The following PSAP variants were observed in gnomAD, a reference collection of about 807,000 sequenced individuals.
The protein encoded by PSAP is prosaposin, also known as precursor of saposins.
PSAP carries 25 observed loss-of-function variants against 66.0 expected under a neutral mutation model. The observed-to-expected ratio is 0.38, with a 90% CI of 0.28 to 0.53. PSAP has a LOEUF of 0.53. Ranked by LOEUF, PSAP falls within the 20% of genes least tolerant of loss-of-function variation. PSAP has a pLI of 0.83. For missense variants in PSAP, 649 were observed against 668.8 expected (o/e 0.97, Z 0.33); for synonymous variants, 273 against 258.9 (o/e 1.05, Z -0.52).
chr10:71,819,038 A>C lies in PSAP; in HGVS notation c.1424T>G (p.Val475Gly). The C allele has an allele frequency of 6.2e-7, 1 of 1,614,052 alleles. No individual in the cohort carries two copies. The highest frequency in any genetic ancestry group is 8.5e-7 in the Non-Finnish European group (1 of 1,179,912). Residue 475 changes from valine (V) to glycine (G), a missense_variant, in exon 12 of 14, where the codon GTG (valine) becomes GGG (glycine). Coordinates refer to ENST00000394936, the MANE Select transcript of PSAP (RefSeq NM_002778.4). ...CCACCCAGTGAGGCTCACCAAGCAC[A>C]CGAAGGAAGGATCCATCACCTCCAC... is the stretch of plus-strand genomic sequence containing the variant. ...ILVEVMDPSF[V>G]CLKIGACPSA... is the part of the protein sequence containing the mutation.
chr10:71,839,612 T>C (rs1023810380), intron 1 of PSAP, among the ~76,000 whole-genome samples: 4 of 152,096 alleles, frequency 2.6e-5, no homozygotes, highest in African/African-American at 9.7e-5. Context: ...CCCAGTACTT[T>C]GGGAAGCTGA....
At position 71,822,020 on chromosome 10, in the gene PSAP, C is replaced by T. The variant is rs763099841; in HGVS notation, c.778-13G>A. 6.2e-7 allele frequency: 1 copy of T among 1,614,080 alleles called. No homozygotes were observed. The highest frequency in any genetic ancestry group is 8.5e-7 in the Non-Finnish European group (1 of 1,179,968). On this transcript the variant is annotated splice_polypyrimidine_tract_variant and intron_variant, in intron 7 of 13. Coordinates refer to ENST00000394936, the MANE Select transcript of PSAP (RefSeq NM_002778.4). Reference sequence around the variant, plus strand: ...TCTCCTTGGGTTGCTGAAGAGAGCACAGAACAACCAGTCAGCAGCAAGCCT... The same window carrying T: ...TCTCCTTGGGTTGCTGAAGAGAGCATAGAACAACCAGTCAGCAGCAAGCCT...
At chr10:71,819,180 A>C (rs1318536758) in intron 11 of PSAP, 69 bp from the exon 12 acceptor site, 5 of 1,387,242 alleles carry the variant, frequency 3.6e-6, no homozygotes. Flanking sequence ...ACAAAAGGCC[A>C]GGCAGGCCCT....
chr10:71,843,133 G>C (rs982718931), intron 1 of PSAP, among the ~76,000 whole-genome samples: 2 of 152,106 alleles, frequency 1.3e-5, no homozygotes, highest in Admixed American at 6.5e-5. Context: ...CACATCAGTG[G>C]GGAACTCTGA....
chr10:71,843,431 T>C (rs1842764678), intron 1 of PSAP, among the ~76,000 whole-genome samples: 1 of 151,984 alleles, frequency 6.6e-6, no homozygotes, highest in South Asian at 2.1e-4. Flanking sequence ...AGAGACTTAC[T>C]CGTACAGAAC....
At chr10:71,824,021 G>A (rs1184322834) in intron 7 of PSAP, 1 of 651,702 alleles carries the variant, frequency 1.5e-6, no homozygotes, top group East Asian at 6.6e-5. Context: ...AAGAGGTTCA[G>A]GGGAAATGCT....
chr10:71,842,546 AG>A (rs1842749072), intron 1 of PSAP, among the ~76,000 whole-genome samples: 1 of 152,202 alleles, frequency 6.6e-6, no homozygotes, highest in African/African-American at 2.4e-5. Flanking sequence ...TGCAACCAAA[AG>A]TTTGAGAGCC....
At chr10:71,839,622 A>T (rs934778809) in intron 1 of PSAP, among the ~76,000 whole-genome samples, 1 of 152,142 alleles carries the variant, frequency 6.6e-6, no homozygotes, top group African/African-American at 2.4e-5. Context: ...TGGGAAGCTG[A>T]GGCAGGAGAA....
intron 1 of PSAP, among the ~76,000 whole-genome samples, chr10:71,845,445 A>G (rs1842804346): frequency 6.6e-6 from 1 of 152,210 alleles, no homozygotes; most frequent in East Asian, 1.9e-4. Context: ...AAGGAGCAAC[A>G]AGCAAAACAG....
chr10:71,829,389 G>A (rs1488041806), intron 4 of PSAP, among the ~76,000 whole-genome samples: 4 of 152,148 alleles, frequency 2.6e-5, no homozygotes, highest in Non-Finnish European at 5.9e-5. Flanking sequence ...GGGACCTAGT[G>A]GGAGGTAACT....
intron 8 of PSAP, 151 bp downstream of exon 8, chr10:71,821,725 T>C: frequency 9.7e-7 from 1 of 1,033,208 alleles, no homozygotes; most frequent in Admixed American, 2.0e-5. Context: ...GTATAGGGGA[T>C]AGGATAAACC....
intron 7 of PSAP, chr10:71,823,952 C>T: frequency 1.6e-6 from 2 of 1,248,336 alleles, no homozygotes; most frequent in East Asian, 5.6e-5. Context: ...GGAAAGGACA[C>T]AACAGTTAAG....
intron 4 of PSAP, 104 bp downstream of exon 4, chr10:71,831,022 A>G: frequency 6.5e-7 from 1 of 1,535,112 alleles, no homozygotes; most frequent in Non-Finnish European, 8.9e-7. Context: ...GAGGAATTCC[A>G]GAGCTAAGAA....
chr10:71,846,443 A>AG (rs1842825653), intron 1 of PSAP, among the ~76,000 whole-genome samples: 1 of 150,952 alleles, frequency 6.6e-6, no homozygotes, highest in African/African-American at 2.4e-5. Flanking sequence ...AAAAAAAAAA[A>AG]GCCAGGTGCG....
At chr10:71,843,393 A>T (rs936243760) in intron 1 of PSAP, among the ~76,000 whole-genome samples, 1 of 152,104 alleles carries the variant, frequency 6.6e-6, no homozygotes, top group East Asian at 1.9e-4. Flanking sequence ...AGGAAGCCAC[A>T]TGGCCCTCTG....
At chr10:71,831,725 G>A in intron 3 of PSAP, 121 bp downstream of exon 3, 1 of 963,014 alleles carries the variant, frequency 1.0e-6, no homozygotes, top group Non-Finnish European at 1.7e-6. Context: ...ATCCTTTGTG[G>A]AAGACATTTG....
rs2070188 is a variant in PSAP at position 71,851,225 on chromosome 10, G to A, written c.-4C>T. On this transcript the variant is annotated 5_prime_UTR_variant, in exon 1 of 14. Transcript: ENST00000394936. ...CCAGGAGGAAGAGGGCGTACATAGC[G>A]CCGTCTGACTCCGCAGTCTGCAATG... is the stretch of plus-strand genomic sequence containing the variant. 0.15 allele frequency: 225,511 copies of A among 1,550,292 alleles called. 17,527 individuals carry two copies. Among genetic ancestry groups the A allele is most frequent in the East Asian group, 0.29 (11,881 of 40,892 alleles).
chr10:71,837,166 T>C (rs1387063026), intron 1 of PSAP, among the ~76,000 whole-genome samples: 1 of 152,208 alleles, frequency 6.6e-6, no homozygotes, highest in African/African-American at 2.4e-5. Flanking sequence ...AGTGCCTTCT[T>C]AGCAAGACAC....
intron 1 of PSAP, among the ~76,000 whole-genome samples, chr10:71,848,422 G>C (rs997840751): frequency 1.3e-5 from 2 of 152,210 alleles, no homozygotes; most frequent in Non-Finnish European, 2.9e-5. Flanking sequence ...AATGGTCTAT[G>C]ATTTGGGAGA....
Sources: allele counts gnomAD v4.1 joint callset (sites outside exome capture counted in the v4.1 genomes callset), GRCh38; gene constraint gnomAD v4.1.1; transcripts MANE v1.5; gene names NCBI Gene and HGNC (gene_info 2026-07-23, HGNC 2026-07-21).